Variants in CLSTN2 observed in about 807,000 individuals in gnomAD.
CLSTN2 encodes the protein calsyntenin-2.
In CLSTN2, 48 loss-of-function variants were observed where a neutral mutation model predicts 101.2. The observed-to-expected ratio is 0.47, with a 90% CI of 0.38 to 0.60. CLSTN2 has a LOEUF of 0.60. CLSTN2 is among the 20% of genes least tolerant of loss of function. The pLI, the probability that CLSTN2 is intolerant of heterozygous loss-of-function variation, is 0.00. For synonymous variants in CLSTN2, 481 were observed against 463.6 expected, an observed-to-expected ratio of 1.04 and a Z score of -0.48; for missense variants, 1,160 against 1,238.2, an observed-to-expected ratio of 0.94 and a Z score of 0.95.
intron 1 of CLSTN2, among the ~76,000 whole-genome samples, chr3:140,094,039 T>C (rs1018358615): frequency 6.6e-6 from 1 of 152,212 alleles, no homozygotes; most frequent in Non-Finnish European, 1.5e-5. Flanking sequence ...AAGCAGCCCA[T>C]GTGTTCCATA....
At chr3:140,225,100 TG>T (rs1372681660) in intron 2 of CLSTN2, among the ~76,000 whole-genome samples, 1 of 152,236 alleles carries the variant, frequency 6.6e-6, no homozygotes, top group African/African-American at 2.4e-5. Context: ...TCCAGCCATC[TG>T]GGTCAGCAGC....
rs28397957 is a variant in CLSTN2, at chr3:139,967,968, C to T, written c.109+32485C>T. Among the ~76,000 whole-genome samples, 1,431 of 152,146 alleles carry T rather than the reference C, an allele frequency of 9.4e-3. 17 individuals are homozygous for T. Among genetic ancestry groups the T allele is most frequent in the African/African-American group, 0.032 (1,342 of 41,514 alleles). The stretch of plus-strand genomic sequence containing the variant: ...ACCTCTGAGGTCCCATAGTCTCATA[C>T]AGACACATATATGTGTGTCTGTGTG... On this transcript the variant is annotated intron_variant, in intron 1 of 16. Coordinates refer to ENST00000458420, the MANE Select transcript of CLSTN2 (RefSeq NM_022131.3).
chr3:140,489,803 CTG>C (rs1362566460), intron 8 of CLSTN2, among the ~76,000 whole-genome samples: 1 of 151,462 alleles, frequency 6.6e-6, no homozygotes, highest in African/African-American at 2.4e-5. Flanking sequence ...TGTGAGGTAA[CTG>C]TGGCTTGGAA....
At chr3:140,110,397 G>A (rs1576430133) in intron 1 of CLSTN2, among the ~76,000 whole-genome samples, 1 of 152,182 alleles carries the variant, frequency 6.6e-6, no homozygotes, top group South Asian at 2.1e-4. Flanking sequence ...AGTAAGCAAA[G>A]AGGGAAATGT....
intron 2 of CLSTN2, among the ~76,000 whole-genome samples, chr3:140,183,805 A>G (rs1490947299): frequency 6.6e-6 from 1 of 152,222 alleles, no homozygotes; most frequent in East Asian, 1.9e-4. Flanking sequence ...TAATTTTAAC[A>G]ACAATCCTCT....
At chr3:140,273,149 G>A (rs190033911) in intron 2 of CLSTN2, among the ~76,000 whole-genome samples, 86 of 151,974 alleles carry the variant, frequency 5.7e-4, no homozygotes, top group Non-Finnish European at 3.2e-4. Flanking sequence ...TGGGTTGGAA[G>A]ATATACTCAT....
chr3:140,061,224 G>A (rs908767609), intron 1 of CLSTN2, among the ~76,000 whole-genome samples: 5 of 152,216 alleles, frequency 3.3e-5, no homozygotes, highest in African/African-American at 1.2e-4. Flanking sequence ...TAAACCCTCA[G>A]GGGAGAGGAA....
chr3:140,076,582 C>G (rs1475282597), intron 1 of CLSTN2, among the ~76,000 whole-genome samples: 2 of 147,272 alleles, frequency 1.4e-5, no homozygotes, highest in African/African-American at 2.5e-5. Context: ...GGCAGACTTG[C>G]CTGCCCAACT....
At chr3:140,321,303 G>T (rs750465652) in intron 2 of CLSTN2, among the ~76,000 whole-genome samples, 51 of 152,114 alleles carry the variant, frequency 3.4e-4, no homozygotes, top group Non-Finnish European at 4.3e-4. Flanking sequence ...TCCTAAGCCT[G>T]CCTCTGTCCT....
At chr3:140,344,328 A>G (rs2087520555) in intron 2 of CLSTN2, among the ~76,000 whole-genome samples, 4 of 152,186 alleles carry the variant, frequency 2.6e-5, no homozygotes, top group Admixed American at 2.6e-4. Context: ...GACAGGGCTG[A>G]CTGCACAAGC....
At chr3:140,161,881 A>C (rs996256125) in intron 1 of CLSTN2, among the ~76,000 whole-genome samples, 1 of 152,220 alleles carries the variant, frequency 6.6e-6, no homozygotes, top group Non-Finnish European at 1.5e-5. Flanking sequence ...ACCTGTTACT[A>C]TATATTGCAT....
At chr3:140,230,410 G>T (rs987353454) in intron 2 of CLSTN2, among the ~76,000 whole-genome samples, 2 of 152,174 alleles carry the variant, frequency 1.3e-5, no homozygotes, top group Non-Finnish European at 2.9e-5. Flanking sequence ...AGTAAATATG[G>T]CCTGTATGTT....
chr3:140,146,431 G>A (rs974384207), intron 1 of CLSTN2, among the ~76,000 whole-genome samples: 2 of 152,220 alleles, frequency 1.3e-5, no homozygotes, highest in Non-Finnish European at 2.9e-5. Flanking sequence ...CAAAGCAAAA[G>A]AGAGAATGGG....
intron 5 of CLSTN2, 44 bp from the exon 6 acceptor site, chr3:140,448,468 GCAGAACT>G (rs760892039): frequency 1.4e-6 from 2 of 1,456,928 alleles, no homozygotes; most frequent in Non-Finnish European, 1.9e-6. Flanking sequence ...AAATGTTCCA[GCAGAACT>G]GACTGCACCT....
intron 1 of CLSTN2, among the ~76,000 whole-genome samples, chr3:140,067,625 A>G (rs903494449): frequency 2.0e-5 from 3 of 152,230 alleles, no homozygotes; most frequent in African/African-American, 7.2e-5. Context: ...AGGTGATGTC[A>G]GGATGTAAAT....
chr3:140,274,370 C>G (rs530098166), intron 2 of CLSTN2, among the ~76,000 whole-genome samples: 53 of 152,310 alleles, frequency 3.5e-4, no homozygotes, highest in African/African-American at 1.2e-3. Context: ...ACCAGCTCCC[C>G]AAAATCTGAT....
chr3:139,964,175 C>T (rs2107815815), intron 1 of CLSTN2, among the ~76,000 whole-genome samples: 1 of 152,308 alleles, frequency 6.6e-6, no homozygotes, highest in South Asian at 2.1e-4. Context: ...TAGAGCACTG[C>T]ACCACATTTC....
At chr3:140,344,933 A>T (rs530594005) in intron 2 of CLSTN2, among the ~76,000 whole-genome samples, 7 of 152,280 alleles carry the variant, frequency 4.6e-5, no homozygotes, top group African/African-American at 1.7e-4. Flanking sequence ...AGAAGCACAG[A>T]AAGAAATGGG....
At chr3:140,129,247 C>T (rs1417749866) in intron 1 of CLSTN2, among the ~76,000 whole-genome samples, 1 of 152,014 alleles carries the variant, frequency 6.6e-6, no homozygotes, top group African/African-American at 2.4e-5. Context: ...TTCTGATGTA[C>T]CCATACTCTT....
Sources: gnomAD v4.1 joint callset for allele counts (sites outside exome capture counted in the v4.1 genomes callset) on GRCh38, gnomAD v4.1.1 for gene constraint, MANE v1.5 for transcripts, NCBI Gene and HGNC (gene_info 2026-07-23, HGNC 2026-07-21) for gene names.